The following TMTC1 variants were observed in gnomAD, a reference collection of about 807,000 sequenced individuals.
TMTC1 encodes protein O-mannosyl-transferase TMTC1.
In TMTC1, 73 loss-of-function variants were observed where a neutral mutation model predicts 104.8. The ratio of observed to expected loss-of-function variants is 0.70; its 90% CI spans 0.58 to 0.85. The LOEUF is 0.85. TMTC1 is among the 40% of genes least tolerant of loss of function. TMTC1 has a pLI of 0.00. For missense variants in TMTC1, 1,035 were observed against 1,096.1 expected (o/e 0.94, Z 0.79); for synonymous variants, 434 against 428.7 (o/e 1.01, Z -0.15).
intron 5 of TMTC1, among the ~76,000 whole-genome samples, chr12:29,642,588 C>A (rs113869089): frequency 6.6e-6 from 1 of 151,966 alleles, no homozygotes; most frequent in Non-Finnish European, 1.5e-5. Flanking sequence ...CTGCTAAAAG[C>A]GGCTCTAAAT....
At chr12:29,718,994 A>T (rs1942160547) in intron 5 of TMTC1, among the ~76,000 whole-genome samples, 1 of 152,056 alleles carries the variant, frequency 6.6e-6, no homozygotes, top group South Asian at 2.1e-4. Context: ...AAACCTGTAG[A>T]TAAATAAAAA....
At chr12:29,585,580 C>T (rs1361913408) in intron 7 of TMTC1, among the ~76,000 whole-genome samples, 4 of 152,178 alleles carry the variant, frequency 2.6e-5, no homozygotes, top group African/African-American at 7.2e-5. Flanking sequence ...TTAGGTCTAA[C>T]ATGTAAGTCT....
rs192613961 is a variant in TMTC1, at chr12:29,718,473, C to T, written c.938+33193G>A. On this transcript the variant is annotated intron_variant, in intron 5 of 17. Coordinates refer to ENST00000539277, the MANE Select transcript of TMTC1 (RefSeq NM_001193451.2). The stretch of plus-strand genomic sequence containing the variant: ...CATAATCTCTGCTCAAATATCTGGC[C>T]GACTTCTGGCCTACATGTGTGAAGC... Among the ~76,000 whole-genome samples, 19 of 152,204 alleles carry T rather than the reference C, an allele frequency of 1.2e-4. 1 individual carries two copies. The East Asian group carries it at 2.3e-3, about 19-fold the overall frequency.
intron 12 of TMTC1, chr12:29,519,457 C>A (rs1944087432): frequency 6.6e-6 from 1 of 152,186 alleles, no homozygotes; most frequent in South Asian, 2.1e-4. Flanking sequence ...TTCAAAGTAG[C>A]TTCCTGGTGA....
At chr12:29,678,909 T>C (rs941571303) in intron 5 of TMTC1, among the ~76,000 whole-genome samples, 1 of 152,182 alleles carries the variant, frequency 6.6e-6, no homozygotes, top group Non-Finnish European at 1.5e-5. Flanking sequence ...TAGAATTTTG[T>C]CTGAATAACA....
In TMTC1 at chr12:29,694,657, C is replaced by T. The variant is rs989000513; in HGVS notation, c.938+57009G>A. Among the ~76,000 whole-genome samples the T allele has an allele frequency of 8.5e-5, 13 of 152,082 alleles. No homozygotes were observed. In the South Asian group the frequency reaches 1.7e-3, roughly 19 times the overall value. ...CTTGGTGGTTAAAAACTGCAACAAG[C>T]GGCTGGGTGTGGTGGCTCACGCCTG... is the stretch of plus-strand genomic sequence containing the variant. On this transcript the variant is annotated intron_variant, in intron 5 of 17. Transcript: ENST00000539277.
rs146463669 is a variant in TMTC1, at chr12:29,673,744, C to CTTTTTTTTTTTTTTTTTTTTTTTT, written c.939-40432_939-40409dup. Among the ~76,000 whole-genome samples, 4 of 95,734 alleles carry CTTTTTTTTTTTTTTTTTTTTTTTT rather than the reference C, an allele frequency of 4.2e-5. 1 individual carries two copies. The highest frequency in any genetic ancestry group is 7.6e-5 in the Non-Finnish European group (4 of 52,692). The allele number at this position is 95,734 out of a possible 152,430, so 62.8% of individuals were successfully genotyped here. A position where few individuals can be genotyped will look rare whatever the true frequency, so the allele number is the denominator to read the frequency against. ...GATGCTATGGCTGCCAGAGGGACTT[C>CTTTTTTTTTTTTTTTTTTTTTTTT]TTTTTTTTTTTTTTTTTTTTTTTTT... On this transcript the variant is annotated intron_variant, in intron 5 of 17. Coordinates refer to ENST00000539277, the MANE Select transcript of TMTC1 (RefSeq NM_001193451.2).
At chr12:29,538,968 C>T (rs1197255445) in intron 10 of TMTC1, among the ~76,000 whole-genome samples, 1 of 152,170 alleles carries the variant, frequency 6.6e-6, no homozygotes, top group East Asian at 1.9e-4. Flanking sequence ...GGCTAACAGA[C>T]ATCACATGCC....
In TMTC1 at chr12:29,754,007, C is replaced by A. The variant is rs148059731; in HGVS notation, c.731+1702G>T. Among the ~76,000 whole-genome samples the A allele has an allele frequency of 2.6e-5, 4 of 152,272 alleles. No individual in the cohort carries two copies. The South Asian group carries it at 6.2e-4, about 24-fold the overall frequency. On this transcript the variant is annotated intron_variant, in intron 4 of 17. Coordinates refer to ENST00000539277, the MANE Select transcript of TMTC1 (RefSeq NM_001193451.2). ...TCAGCCTCCCGAGTAGCTGGGATTA[C>A]AGGCACATGCCACCATGCCCAGCTA...
intron 11 of TMTC1, among the ~76,000 whole-genome samples, chr12:29,526,260 C>A (rs1190056899): frequency 6.6e-6 from 1 of 152,122 alleles, no homozygotes; most frequent in African/African-American, 2.4e-5. Flanking sequence ...ACAATGAAAG[C>A]TTGAAGGACT....
intron 7 of TMTC1, among the ~76,000 whole-genome samples, chr12:29,597,221 TTTTCTTTC>T (rs1159595123): frequency 6.8e-6 from 1 of 147,980 alleles, no homozygotes; most frequent in Non-Finnish European, 1.5e-5. Context: ...TTCTTTTTCT[TTTTCTTTC>T]TTTCTTTTCT....
intron 5 of TMTC1, among the ~76,000 whole-genome samples, chr12:29,663,648 C>A (rs114704793): frequency 0.018 from 2,695 of 151,346 alleles, 98 homozygotes; most frequent in African/African-American, 0.061. Context: ...TCATGAGTAG[C>A]TAGGATTACA....
At chr12:29,677,557 A>T (rs1940773153) in intron 5 of TMTC1, among the ~76,000 whole-genome samples, 1 of 152,244 alleles carries the variant, frequency 6.6e-6, no homozygotes, top group African/African-American at 2.4e-5. Context: ...AGTTACCTGC[A>T]GTCAATTGCC....
At chr12:29,648,592 C>A (rs902660322) in intron 5 of TMTC1, among the ~76,000 whole-genome samples, 1 of 152,066 alleles carries the variant, frequency 6.6e-6, no homozygotes, top group African/African-American at 2.4e-5. Flanking sequence ...CGGCACACAC[C>A]ACTCATGTCT....
intron 5 of TMTC1, among the ~76,000 whole-genome samples, chr12:29,652,283 G>A (rs1480547891): frequency 3.9e-5 from 6 of 152,186 alleles, no homozygotes; most frequent in African/African-American, 7.2e-5. Context: ...ACTCAAGAAC[G>A]TGGGAAAGAA....
chr12:29,716,000 T>TTATC (rs1942068270), intron 5 of TMTC1, among the ~76,000 whole-genome samples: 1 of 51,952 alleles, frequency 1.9e-5, no homozygotes, highest in Admixed American at 1.3e-4. Context: ...TTATTATTAT[T>TTATC]ATTATTATTA....
At chr12:29,528,468 G>T (rs2136181942) in intron 11 of TMTC1, among the ~76,000 whole-genome samples, 1 of 152,202 alleles carries the variant, frequency 6.6e-6, no homozygotes, top group South Asian at 2.1e-4. Context: ...TCAGTGGTGT[G>T]GAAATAAAAT....
At chr12:29,703,565 G>A (rs1023959712) in intron 5 of TMTC1, among the ~76,000 whole-genome samples, 1 of 152,004 alleles carries the variant, frequency 6.6e-6, no homozygotes, top group Non-Finnish European at 1.5e-5. Context: ...CCATTTGCTC[G>A]GATTAAATTA....
intron 4 of TMTC1, among the ~76,000 whole-genome samples, chr12:29,753,994 G>C (rs541226534): frequency 4.6e-5 from 7 of 152,152 alleles, no homozygotes; most frequent in Non-Finnish European, 8.8e-5. Context: ...AGCCTCCCGA[G>C]TAGCTGGGAT....
Sources: gnomAD v4.1 joint callset for allele counts (sites outside exome capture counted in the v4.1 genomes callset) on GRCh38, gnomAD v4.1.1 for gene constraint, MANE v1.5 for transcripts, NCBI Gene and HGNC (gene_info 2026-07-23, HGNC 2026-07-21) for gene names.